The following REEP5 variants were observed in gnomAD, a reference collection of about 807,000 sequenced individuals.
REEP5 encodes receptor accessory protein 5, also known as receptor expression-enhancing protein 5.
A neutral mutation model predicts 22.4 loss-of-function variants in REEP5; 24 were observed. The ratio of observed to expected loss-of-function variants is 1.07; its 90% CI spans 0.78 to 1.51. The LOEUF (loss-of-function observed/expected upper bound fraction) is 1.51. Among genes scored for constraint, REEP5 ranks in the 40% most tolerant of loss-of-function variants. The pLI is 0.00. For missense variants in REEP5, 252 were observed against 233.0 expected, an observed-to-expected ratio of 1.08 and a Z score of -0.53; for synonymous variants, 103 against 88.6, an observed-to-expected ratio of 1.16 and a Z score of -0.92.
intron 4 of REEP5, 77 bp downstream of exon 4, chr5:112,886,938 G>T: frequency 1.8e-6 from 2 of 1,104,366 alleles, no homozygotes; most frequent in Non-Finnish European, 1.3e-6. Context: ...AGACAAGAAG[G>T]CCAGGAAGCC....
intron 2 of REEP5, among the ~76,000 whole-genome samples, chr5:112,908,351 C>T (rs1769010014): frequency 6.6e-6 from 1 of 152,050 alleles, no homozygotes; most frequent in African/African-American, 2.4e-5. Context: ...GATCTACCCA[C>T]CTTGGCCTCC....
chr5:112,889,450 GGAT>G (rs1267237183), intron 3 of REEP5, among the ~76,000 whole-genome samples: 2 of 150,644 alleles, frequency 1.3e-5, no homozygotes, highest in South Asian at 2.1e-4. Context: ...TAAGTAAATA[GGAT>G]GATAAAGAAG....
chr5:112,919,561 C>A (rs1038725816), intron 2 of REEP5, among the ~76,000 whole-genome samples: 2 of 152,070 alleles, frequency 1.3e-5, no homozygotes, highest in African/African-American at 4.8e-5. Context: ...GAGCGAGACT[C>A]TGTCTCAAAA....
rs533230228 is a variant in REEP5, at chr5:112,878,109, G to A, written c.*677C>T. On this transcript the variant is annotated 3_prime_UTR_variant, in exon 5 of 5. Coordinates refer to ENST00000379638, the MANE Select transcript of REEP5 (RefSeq NM_005669.5). ...CTGGTATTCATATGCCATATACTAC[G>A]GAAACAACCAGGCCAATCTCCATTC... 6.6e-5 allele frequency: 10 copies of A among 151,962 alleles called. No homozygotes were observed. Among genetic ancestry groups the A allele is most frequent in the African/African-American group, 2.4e-4 (10 of 41,342 alleles). 9.4% of individuals were successfully genotyped at this position (151,962 alleles called of 1,614,324 possible).
intron 3 of REEP5, chr5:112,894,728 A>T (rs1322870963): frequency 1.3e-5 from 2 of 152,224 alleles, no homozygotes; most frequent in Admixed American, 1.3e-4. Flanking sequence ...ATTTTGCTGT[A>T]TTTTATTAAT....
At chr5:112,879,459 C>A (rs514763) in intron 4 of REEP5, among the ~76,000 whole-genome samples, 1 of 151,800 alleles carries the variant, frequency 6.6e-6, no homozygotes, top group Non-Finnish European at 1.5e-5. Context: ...TATGTGCTTT[C>A]ATATACTTTA....
intron 3 of REEP5, chr5:112,892,604 T>A (rs1388924689): frequency 1.2e-6 from 2 of 1,614,116 alleles, no homozygotes; most frequent in Non-Finnish European, 1.7e-6. Flanking sequence ...TTATTTGAAA[T>A]ACAACAATGT....
At chr5:112,907,528 C>T (rs190804112) in intron 2 of REEP5, among the ~76,000 whole-genome samples, 490 of 152,266 alleles carry the variant, frequency 3.2e-3, no homozygotes, top group Non-Finnish European at 5.6e-3. Context: ...AGCAGAGGCA[C>T]GACTACAAGG....
intron 2 of REEP5, among the ~76,000 whole-genome samples, chr5:112,914,302 G>A (rs1490644930): frequency 6.6e-6 from 1 of 151,224 alleles, no homozygotes; most frequent in Non-Finnish European, 1.5e-5. Context: ...CAGGCTGAGT[G>A]CAGTGGCATC....
rs1428039482 is a variant in REEP5, at chr5:112,890,474, T to G, written c.352-3291A>C. 3.3e-5 allele frequency among the ~76,000 whole-genome samples: 5 copies of G among 150,274 alleles called. 1 individual carries two copies. Among genetic ancestry groups the G allele is most frequent in the African/African-American group, 1.2e-4 (5 of 40,192 alleles). ...GCCTCAACTTCCTGGGCTCAAGTGA[T>G]TCTCCCGCCTCAGCCCCCCAGGTAG... On this transcript the variant is annotated intron_variant, in intron 3 of 4. Coordinates refer to ENST00000379638, the MANE Select transcript of REEP5 (RefSeq NM_005669.5).
At chr5:112,899,326 G>A (rs1005590139) in intron 3 of REEP5, among the ~76,000 whole-genome samples, 6 of 150,788 alleles carry the variant, frequency 4.0e-5, no homozygotes, top group African/African-American at 1.5e-4. Context: ...ATTTGTGTGT[G>A]TGGAGACAGG....
chr5:112,891,673 A>C, intron 3 of REEP5: 3 of 1,613,552 alleles, frequency 1.9e-6, no homozygotes, highest in Non-Finnish European at 2.5e-6. Flanking sequence ...GTTTCCCAAG[A>C]AGATGACATT....
intron 2 of REEP5, among the ~76,000 whole-genome samples, chr5:112,915,711 C>T (rs114243096): frequency 0.03 from 4,633 of 152,212 alleles, 260 homozygotes; most frequent in African/African-American, 0.11. Context: ...TTCATACTAC[C>T]CCAGAAGGCA....
At chr5:112,887,612 C>T (rs1174798903) in intron 3 of REEP5, among the ~76,000 whole-genome samples, 1 of 152,282 alleles carries the variant, frequency 6.6e-6, no homozygotes, top group East Asian at 1.9e-4. Flanking sequence ...AAGTTTATCA[C>T]ATTTATTCAT....
At chr5:112,888,594 T>TTA (rs1554093181) in intron 3 of REEP5, among the ~76,000 whole-genome samples, 1 of 144,844 alleles carries the variant, frequency 6.9e-6, no homozygotes, top group Non-Finnish European at 1.5e-5. Flanking sequence ...TGGCTAATTT[T>TTA]TTATAACTTT....
At chr5:112,885,547 C>T in intron 4 of REEP5, 1 of 242,162 alleles carries the variant, frequency 4.1e-6, no homozygotes, top group Admixed American at 4.3e-5. Context: ...AAGTAAACAT[C>T]AACTACCTTC....
At chr5:112,886,660 T>C (rs901602749) in intron 4 of REEP5, among the ~76,000 whole-genome samples, 2 of 152,226 alleles carry the variant, frequency 1.3e-5, no homozygotes, top group African/African-American at 2.4e-5. Flanking sequence ...TCCATTTATT[T>C]AAAACTACCT....
At chr5:112,913,058 C>T (rs1254995788) in intron 2 of REEP5, among the ~76,000 whole-genome samples, 1 of 152,170 alleles carries the variant, frequency 6.6e-6, no homozygotes, top group East Asian at 1.9e-4. Context: ...AATCCCAACA[C>T]TTTGGGAGGC....
chr5:112,921,322 C>A, intron 1 of REEP5, 66 bp from the exon 2 acceptor site: 2 of 1,469,860 alleles, frequency 1.4e-6, no homozygotes, highest in African/African-American at 2.8e-5. Context: ...ACAGCCGCCG[C>A]CCACACCGCG....
Sources: gnomAD v4.1 joint callset for allele counts (sites outside exome capture counted in the v4.1 genomes callset) on GRCh38, gnomAD v4.1.1 for gene constraint, MANE v1.5 for transcripts, NCBI Gene and HGNC (gene_info 2026-07-23, HGNC 2026-07-21) for gene names.